The following CCSER1 variants were observed in gnomAD, a reference collection of about 807,000 sequenced individuals.
The protein encoded by CCSER1 is serine-rich coiled-coil domain-containing protein 1.
In CCSER1, 41 loss-of-function variants were observed where a neutral mutation model predicts 82.0. The observed-to-expected ratio is 0.50, with a 90% CI of 0.39 to 0.65. The LOEUF is 0.65. Ranked by LOEUF, CCSER1 falls within the 30% of genes least tolerant of loss-of-function variation. CCSER1 has a pLI of 0.00. For synonymous variants in CCSER1, 414 were observed against 383.9 expected, an observed-to-expected ratio of 1.08 and a Z score of -0.92; for missense variants, 1,119 against 1,064.2, an observed-to-expected ratio of 1.05 and a Z score of -0.72.
chr4:91,075,917 T>G lies in CCSER1; in HGVS notation c.2173-10033T>G, dbSNP rs114659948. On this transcript the variant is annotated intron_variant, in intron 9 of 10. Coordinates refer to ENST00000509176, the MANE Select transcript of CCSER1 (RefSeq NM_001145065.2). ...TCAAGATTGTGCATGTTTCCTAGCA[T>G]AGGTTGTAAGTCACAGTTGATACTT... 7.7e-3 allele frequency among the ~76,000 whole-genome samples: 1,175 copies of G among 152,246 alleles called. 11 individuals are homozygous for G. The highest frequency in any genetic ancestry group is 0.026 in the African/African-American group (1,090 of 41,542).
chr4:91,107,531 A>C (rs1725733648), intron 10 of CCSER1, among the ~76,000 whole-genome samples: 1 of 152,172 alleles, frequency 6.6e-6, no homozygotes, highest in South Asian at 2.1e-4. Context: ...CTGGGATTAC[A>C]GGCATCAATG....
At chr4:90,572,984 T>G (rs1339418364) in intron 5 of CCSER1, among the ~76,000 whole-genome samples, 1 of 152,256 alleles carries the variant, frequency 6.6e-6, no homozygotes, top group Non-Finnish European at 1.5e-5. Flanking sequence ...GGGAAAGCCC[T>G]GAGGTATATG....
chr4:90,868,202 G>A (rs1304349), intron 8 of CCSER1, among the ~76,000 whole-genome samples: 93,949 of 151,830 alleles, frequency 0.62, 29,437 homozygotes, highest in Non-Finnish European at 0.65. Flanking sequence ...CAAATAGTCC[G>A]GTTATACTCT....
At chr4:91,263,930 G>C (rs901178579) in intron 10 of CCSER1, among the ~76,000 whole-genome samples, 1 of 151,798 alleles carries the variant, frequency 6.6e-6, no homozygotes, top group Non-Finnish European at 1.5e-5. Flanking sequence ...AAAATAAAAA[G>C]ACAACTTGAA....
chr4:90,777,354 C>CAAAAAAAAAA (rs60638334), intron 7 of CCSER1, among the ~76,000 whole-genome samples: 1 of 58,534 alleles, frequency 1.7e-5, no homozygotes, highest in African/African-American at 6.9e-5. Context: ...GACTCCATCT[C>CAAAAAAAAAA]AAAAAAAAAA....
chr4:90,749,604 A>G (rs1407458002), intron 7 of CCSER1, among the ~76,000 whole-genome samples: 2 of 152,098 alleles, frequency 1.3e-5, no homozygotes, highest in Non-Finnish European at 2.9e-5. Flanking sequence ...TGGGGATGAC[A>G]TTGAATCTGT....
intron 1 of CCSER1, among the ~76,000 whole-genome samples, chr4:90,139,346 G>T (rs1724298559): frequency 6.6e-6 from 1 of 152,006 alleles, no homozygotes; most frequent in African/African-American, 2.4e-5. Flanking sequence ...TTTCTATTTT[G>T]GTCAGAAATT....
chr4:90,741,087 A>G (rs1406402626), intron 7 of CCSER1, among the ~76,000 whole-genome samples: 1 of 152,180 alleles, frequency 6.6e-6, no homozygotes, highest in African/African-American at 2.4e-5. Flanking sequence ...GAGTTCAGGT[A>G]CAGAACATGG....
intron 9 of CCSER1, among the ~76,000 whole-genome samples, chr4:91,046,511 G>C (rs796993686): frequency 1.3e-5 from 2 of 151,864 alleles, no homozygotes; most frequent in Non-Finnish European, 2.9e-5. Flanking sequence ...CTTTTTTATT[G>C]TTTCTTTACT....
At chr4:91,326,649 C>A (rs1746582728) in intron 10 of CCSER1, among the ~76,000 whole-genome samples, 1 of 152,020 alleles carries the variant, frequency 6.6e-6, no homozygotes, top group African/African-American at 2.4e-5. Context: ...AGTCCTAACT[C>A]ATTCCATCAT....
chr4:90,713,125 G>A (rs1035871720), intron 6 of CCSER1, among the ~76,000 whole-genome samples: 1 of 151,640 alleles, frequency 6.6e-6, no homozygotes, highest in South Asian at 2.1e-4. Context: ...TTTAATTGGG[G>A]CATTTAGCCC....
chr4:90,367,641 G>A (rs1441482382), intron 3 of CCSER1, among the ~76,000 whole-genome samples: 1 of 151,394 alleles, frequency 6.6e-6, no homozygotes, highest in Non-Finnish European at 1.5e-5. Flanking sequence ...ATAAAATGAG[G>A]AAAAAAATGA....
chr4:90,275,564 A>G (rs1727390434), intron 1 of CCSER1, among the ~76,000 whole-genome samples: 1 of 152,178 alleles, frequency 6.6e-6, no homozygotes, highest in Non-Finnish European at 1.5e-5. Flanking sequence ...GTGAAAAAAG[A>G]AAACGTAGTG....
At chr4:91,043,499 A>G (rs530828692) in intron 9 of CCSER1, among the ~76,000 whole-genome samples, 1 of 152,216 alleles carries the variant, frequency 6.6e-6, no homozygotes, top group African/African-American at 2.4e-5. Context: ...AAATTTGCAG[A>G]AAGTAAAACA....
chr4:90,973,731 A>G (rs765188785), intron 9 of CCSER1, among the ~76,000 whole-genome samples: 2 of 151,732 alleles, frequency 1.3e-5, no homozygotes, highest in Non-Finnish European at 2.9e-5. Context: ...CAGCATTATT[A>G]GCAATAACCA....
chr4:91,260,652 A>G (rs1279307051), intron 10 of CCSER1, among the ~76,000 whole-genome samples: 4 of 152,214 alleles, frequency 2.6e-5, no homozygotes, highest in Non-Finnish European at 4.4e-5. Context: ...TCTTACGGCA[A>G]AAGACTCTAA....
chr4:90,733,796 G>T (rs1000478426), intron 7 of CCSER1, among the ~76,000 whole-genome samples: 3 of 152,088 alleles, frequency 2.0e-5, no homozygotes, highest in African/African-American at 7.2e-5. Flanking sequence ...TTTCCCCGAT[G>T]CATGTCTAGG....
intron 1 of CCSER1, among the ~76,000 whole-genome samples, chr4:90,171,755 GT>G (rs1373987157): frequency 3.3e-5 from 5 of 151,842 alleles, no homozygotes; most frequent in African/African-American, 4.8e-5. Context: ...AGTTAAAAGA[GT>G]TCTGCATAAA....
chr4:91,303,478 C>T (rs1744820351), intron 10 of CCSER1, among the ~76,000 whole-genome samples: 1 of 151,774 alleles, frequency 6.6e-6, no homozygotes, highest in South Asian at 2.1e-4. Context: ...ATGTTGGTTC[C>T]TTACTTCTAA....
Sources: allele counts gnomAD v4.1 joint callset (sites outside exome capture counted in the v4.1 genomes callset), GRCh38; gene constraint gnomAD v4.1.1; transcripts MANE v1.5; gene names NCBI Gene and HGNC (gene_info 2026-07-23, HGNC 2026-07-21).